Variants in ABCA4 observed in about 807,000 individuals in gnomAD.
The protein encoded by ABCA4 is ATP binding cassette subfamily A member 4.
Under a neutral mutation model 263.7 loss-of-function variants are expected in ABCA4, and 196 were observed. That is an observed-to-expected ratio of 0.74 (90% CI 0.66 to 0.84). The LOEUF is 0.84. Ranked by LOEUF, ABCA4 falls within the 40% of genes least tolerant of loss-of-function variation. The pLI, the probability that ABCA4 is intolerant of heterozygous loss-of-function variation, is 0.00. For missense variants in ABCA4, 2,792 were observed against 2,855.1 expected (o/e 0.98, Z 0.50); for synonymous variants, 1,133 against 1,094.2 (o/e 1.04, Z -0.70).
At chr1:94,020,246 C>G (rs1430152938) in intron 35 of ABCA4, among the ~76,000 whole-genome samples, 3 of 152,158 alleles carry the variant, frequency 2.0e-5, no homozygotes, top group Non-Finnish European at 2.9e-5. Context: ...GAAAAGAGGG[C>G]AGGCAAGTTG....
At position 94,029,400 on chromosome 1, in the gene ABCA4, C is replaced by T. The variant is rs771775548; in HGVS notation, c.4539+45G>A. On this transcript the variant is annotated intron_variant, in intron 30 of 49. Transcript: ENST00000370225. ...GATACCAGGGACTCCCCTAGTCCCT[C>T]TGTGGCAGGCAGACCTGGGGCCCCG... 7 of 1,491,884 alleles carry T rather than the reference C, an allele frequency of 4.7e-6. No homozygotes were observed. In the South Asian group the frequency reaches 6.4e-5, roughly 14 times the overall value. The allele number at this position is 1,491,884 out of a possible 1,614,324, so 92.4% of individuals were successfully genotyped here. A position where few individuals can be genotyped will look rare whatever the true frequency, so the allele number is the denominator to read the frequency against.
At chr1:94,038,078 T>C (rs138582627) in intron 24 of ABCA4, among the ~76,000 whole-genome samples, 1 of 151,814 alleles carries the variant, frequency 6.6e-6, no homozygotes, top group Non-Finnish European at 1.5e-5. Flanking sequence ...CAGTTTCTCT[T>C]GGGATTGCAC....
rs4147863 is a variant in ABCA4, at chr1:94,005,598, C to T, written c.6006-16G>A. The T allele has an allele frequency of 0.17, 276,761 of 1,610,232 alleles. 24,726 individuals are homozygous for T. Among genetic ancestry groups the T allele is most frequent in the Non-Finnish European group, 0.18 (212,146 of 1,176,758 alleles). On this transcript the variant is annotated splice_polypyrimidine_tract_variant and intron_variant, in intron 43 of 49. Transcript: ENST00000370225. ...GGTTAAAATACTGCAAGAAAAAAAG[C>T]AATTACTGAGTATCCTTCAAGGAGT...
intron 19 of ABCA4, 111 bp from the exon 20 acceptor site, chr1:94,044,855 C>A (rs1272913352): frequency 6.4e-7 from 1 of 1,555,564 alleles, no homozygotes. Context: ...CTGCCTGGGG[C>A]TGTCAGTCAA....
chr1:94,019,961 CCTTTCT>C (rs1659851707), intron 35 of ABCA4, among the ~76,000 whole-genome samples: 2 of 152,078 alleles, frequency 1.3e-5, no homozygotes, highest in South Asian at 4.2e-4. Flanking sequence ...TTGCGGGTTG[CCTTTCT>C]ATTTCATGTG....
At chr1:94,013,474 C>T (rs1375349888) in intron 38 of ABCA4, among the ~76,000 whole-genome samples, 1 of 152,144 alleles carries the variant, frequency 6.6e-6, no homozygotes, top group African/African-American at 2.4e-5. Context: ...TGGCCGGTCC[C>T]ACCCTCTGAA....
chr1:94,099,883 C>T (rs976571804), intron 5 of ABCA4, among the ~76,000 whole-genome samples: 30 of 152,288 alleles, frequency 2.0e-4, no homozygotes, highest in African/African-American at 7.0e-4. Context: ...TCTTGAAGTA[C>T]AACCCTCGTG....
At chr1:94,096,170 G>A (rs760472624) in intron 6 of ABCA4, among the ~76,000 whole-genome samples, 4 of 152,126 alleles carry the variant, frequency 2.6e-5, no homozygotes, top group East Asian at 1.9e-4. Flanking sequence ...AATCTTGGCC[G>A]GACATTGGAC....
chr1:94,088,057 G>A (rs189260495), intron 6 of ABCA4, among the ~76,000 whole-genome samples: 33 of 152,172 alleles, frequency 2.2e-4, no homozygotes, highest in African/African-American at 4.8e-4. Context: ...AGCATAGTCC[G>A]TAATCAGTGA....
In ABCA4 at chr1:94,032,038, C is replaced by T. The variant is rs143576497; in HGVS notation, c.3868G>A (p.Ala1290Thr). The change falls in exon 27 of 50, where the codon GCT becomes ACT. Residue 1290 changes from alanine (A) to threonine (T), a missense_variant. Coordinates refer to ENST00000370225, the MANE Select transcript of ABCA4 (RefSeq NM_000350.3). ...TTGACGTTTTCTCTTTTCTGCTGAG[C>T]GCCACCTGTTTTGAGAGATTGAATT... ...SDSGPLFAGG[A>T]QQKRENVNPR... is the part of the protein sequence containing the mutation. 13 of 1,610,872 alleles carry T rather than the reference C, an allele frequency of 8.1e-6. No homozygotes were observed. The highest frequency in any genetic ancestry group is 1.6e-4 in the Middle Eastern group (1 of 6,062).
intron 32 of ABCA4, 80 bp from the exon 33 acceptor site, chr1:94,022,031 A>G: frequency 2.5e-6 from 3 of 1,212,980 alleles, no homozygotes; most frequent in Non-Finnish European, 3.7e-6. Flanking sequence ...TTTGTAGGGA[A>G]ACATGAACTT....
intron 4 of ABCA4, among the ~76,000 whole-genome samples, chr1:94,106,614 G>A (rs1662442691): frequency 6.6e-6 from 1 of 152,148 alleles, no homozygotes; most frequent in Admixed American, 6.5e-5. Flanking sequence ...TCTACCCAGG[G>A]CAACAAAGAA....
chr1:94,120,696 T>C (rs1013912779), intron 1 of ABCA4, among the ~76,000 whole-genome samples: 1 of 40,996 alleles, frequency 2.4e-5, no homozygotes, highest in African/African-American at 9.7e-5. Context: ...AAACGGGGGG[T>C]GGGGGAGGGG....
chr1:94,031,552 C>T (rs1285039946), intron 27 of ABCA4, among the ~76,000 whole-genome samples: 1 of 152,182 alleles, frequency 6.6e-6, no homozygotes, highest in East Asian at 1.9e-4. Context: ...TTAACATTTT[C>T]ACTATTATTC....
At chr1:94,032,520 C>T (rs577439960) in intron 26 of ABCA4, among the ~76,000 whole-genome samples, 76 of 152,186 alleles carry the variant, frequency 5.0e-4, no homozygotes, top group African/African-American at 1.8e-3. Flanking sequence ...CCTGTAATCC[C>T]AACTACTCGG....
rs1252712183 is a variant in ABCA4 at position 94,112,985 on chromosome 1, T to G, written c.148A>C (p.Ser50Arg). ...CTGCTATGCTTACATTCATGATGGC[T>G]GTAGAGTGGGTTGGCATTCCTTAAC... ...IWLRNANPLY[S>R]HHECHFPNKA... is the part of the protein sequence containing the mutation. The change falls in exon 2 of 50, where the codon AGC becomes CGC. Residue 50 changes from serine to arginine, a missense_variant. Physicochemically the swap from Ser to Arg is moderately radical, Grantham distance 110. Coordinates refer to ENST00000370225, the MANE Select transcript of ABCA4 (RefSeq NM_000350.3). The G allele has an allele frequency of 1.9e-6, 3 of 1,613,442 alleles. No individual in the cohort carries two copies. Among genetic ancestry groups the G allele is most frequent in the African/African-American group, 2.7e-5 (2 of 74,900 alleles).
chr1:94,012,835 G>T (rs1353730869), intron 38 of ABCA4, among the ~76,000 whole-genome samples: 1 of 150,204 alleles, frequency 6.7e-6, no homozygotes, highest in Non-Finnish European at 1.5e-5. Context: ...AGGGCAGGAC[G>T]AGTGGGCCAC....
chr1:94,058,282 A>G (rs1319495574), intron 14 of ABCA4, among the ~76,000 whole-genome samples: 2 of 152,232 alleles, frequency 1.3e-5, no homozygotes, highest in African/African-American at 2.4e-5. Context: ...AAGCAAGTCC[A>G]TGGCTGAACA....
rs772691446 is a variant in ABCA4, at chr1:94,031,811, G to A, written c.4095C>T (p.His1365=). 1 of 1,614,050 alleles carries A rather than the reference G, an allele frequency of 6.2e-7. No homozygotes were observed. Among genetic ancestry groups the A allele is most frequent in the East Asian group, 2.2e-5 (1 of 44,880 alleles). Reference sequence around the variant, plus strand: ...GGAAGTCCTTGTGGCTGCGGATGGTGTGTTGGAATCTCTTGACCAGCAGCG... The same window carrying A: ...GGAAGTCCTTGTGGCTGCGGATGGTATGTTGGAATCTCTTGACCAGCAGCG... The part of the protein sequence containing the change: ...VQALLVKRFQ[H]TIRSHKDFLA... The change falls in exon 27 of 50, where the codon CAC becomes CAT. Residue 1365 remains histidine, a synonymous_variant. Coordinates refer to ENST00000370225, the MANE Select transcript of ABCA4 (RefSeq NM_000350.3).
Sources: gnomAD v4.1 joint callset for allele counts (sites outside exome capture counted in the v4.1 genomes callset) on GRCh38, gnomAD v4.1.1 for gene constraint, MANE v1.5 for transcripts, NCBI Gene and HGNC (gene_info 2026-07-23, HGNC 2026-07-21) for gene names.